MCCC2: variants seen among roughly 807,000 people sequenced by gnomAD.
MCCC2 encodes the protein methylcrotonoyl-CoA carboxylase beta chain, mitochondrial.
A neutral mutation model predicts 77.2 loss-of-function variants in MCCC2; 52 were observed. The ratio of observed to expected loss-of-function variants is 0.67; its 90% confidence interval spans 0.54 to 0.85. The LOEUF (loss-of-function observed/expected upper bound fraction) is 0.85. Ranked by LOEUF, MCCC2 falls within the 40% of genes least tolerant of loss-of-function variation. The probability of loss-of-function intolerance (pLI) is 0.00; values close to 1 mark genes in which losing one functional copy is unlikely to be tolerated. For synonymous variants in MCCC2, 253 were observed against 248.4 expected (o/e 1.02, Z -0.18); for missense variants, 682 against 703.2 (o/e 0.97, Z 0.34).
intron 13 of MCCC2, among the ~76,000 whole-genome samples, chr5:71,647,095 G>A (rs757935726): frequency 1.4e-4 from 22 of 152,046 alleles, no homozygotes; most frequent in Non-Finnish European, 2.5e-4. Context: ...TGATTCTCTG[G>A]TATCCTTCAT....
chr5:71,633,683 A>C (rs10071645), intron 8 of MCCC2, among the ~76,000 whole-genome samples: 114,233 of 151,884 alleles, frequency 0.75, 43,499 homozygotes, highest in East Asian at 0.86. Context: ...TATACAGTGT[A>C]TCATTGAAGG....
At position 71,635,163 on chromosome 5, in the gene MCCC2, C is replaced by G; in HGVS notation, c.916C>G (p.Pro306Ala). The G allele has an allele frequency of 6.2e-7, 1 of 1,614,112 alleles. No individual in the cohort carries two copies. Among genetic ancestry groups the G allele is most frequent in the Non-Finnish European group, 8.5e-7 (1 of 1,179,990 alleles). ...YQKKLDVTIE[P>A]SEEPLFPADE... ...TATATTTCTGCAGGTCACCATTGAA[C>G]CTTCTGAAGAGCCTTTATTTCCTGC... The change falls in exon 10 of 17, where the codon CCT becomes GCT. Residue 306 changes from proline (P) to alanine (A), a missense_variant. By Grantham distance (27) the Pro-to-Ala change is conservative (BLOSUM62 -1). Coordinates refer to ENST00000340941, the MANE Select transcript of MCCC2 (RefSeq NM_022132.5).
At chr5:71,599,824 TC>T in intron 4 of MCCC2, 64 bp downstream of exon 4, 1 of 1,250,862 alleles carries the variant, frequency 8.0e-7, no homozygotes, top group Non-Finnish European at 1.2e-6. Context: ...GGCACAGGCA[TC>T]CAGCACTCAC....
At chr5:71,609,867 A>G (rs1356514825) in intron 6 of MCCC2, among the ~76,000 whole-genome samples, 2 of 151,978 alleles carry the variant, frequency 1.3e-5, no homozygotes, top group Non-Finnish European at 2.9e-5. Context: ...GGTGCCTCCC[A>G]GTTAGGCTGC....
intron 15 of MCCC2, among the ~76,000 whole-genome samples, chr5:71,651,055 A>G (rs1747425759): frequency 2.0e-5 from 3 of 152,336 alleles, no homozygotes; most frequent in South Asian, 4.1e-4. Flanking sequence ...CTGGGATTAC[A>G]GGTGTGTGCC....
intron 6 of MCCC2, among the ~76,000 whole-genome samples, chr5:71,611,561 T>G (rs940794591): frequency 2.0e-5 from 3 of 152,166 alleles, no homozygotes; most frequent in African/African-American, 7.2e-5. Flanking sequence ...TCTCAAAAAG[T>G]AGATTGAGTA....
At chr5:71,637,696 G>A (rs1400064480) in intron 10 of MCCC2, among the ~76,000 whole-genome samples, 2 of 152,250 alleles carry the variant, frequency 1.3e-5, no homozygotes, top group Non-Finnish European at 1.5e-5. Context: ...ATGCAATACT[G>A]TTTGCTAGCA....
chr5:71,656,757 G>C lies in MCCC2; in HGVS notation c.1589G>C (p.Gly530Ala), dbSNP rs771705036. The C allele has an allele frequency of 6.2e-7, 1 of 1,613,686 alleles. No individual in the cohort carries two copies. Among genetic ancestry groups the C allele is most frequent in the Non-Finnish European group, 8.5e-7 (1 of 1,179,666 alleles). ...TCTTTTGTCAGGGTATGGGATGATG[G>C]GATCATTGATCCAGCAGACACCAGA... ...YYSSARVWDD[G>A]IIDPADTRLV... Residue 530 changes from glycine (G) to alanine (A), a missense_variant, in exon 17 of 17, where the codon GGG (glycine) becomes GCG (alanine). Transcript: ENST00000340941.
intron 16 of MCCC2, among the ~76,000 whole-genome samples, chr5:71,653,008 C>G (rs930040310): frequency 4.6e-5 from 7 of 152,212 alleles, no homozygotes. Context: ...TTGTCTTCCC[C>G]CTAGTTGAGG....
intron 6 of MCCC2, among the ~76,000 whole-genome samples, chr5:71,617,827 G>A (rs1746217058): frequency 6.6e-6 from 1 of 152,098 alleles, no homozygotes. Context: ...TATGTCTATT[G>A]GCAATCATAC....
chr5:71,596,145 AT>A (rs1745177851), intron 2 of MCCC2, 134 bp from the exon 3 acceptor site: 6 of 792,846 alleles, frequency 7.6e-6, no homozygotes, highest in African/African-American at 1.7e-5. Flanking sequence ...TGAGTGAATG[AT>A]TATTAGCCTT....
At chr5:71,605,225 A>G (rs1745622922) in intron 6 of MCCC2, among the ~76,000 whole-genome samples, 1 of 150,102 alleles carries the variant, frequency 6.7e-6, no homozygotes, top group South Asian at 2.2e-4. Flanking sequence ...CTATTTCTCC[A>G]TATCCTCTCC....
rs540731122 is a variant in MCCC2, at chr5:71,626,089, C to T, written c.625-551C>T. On this transcript the variant is annotated intron_variant, in intron 6 of 16. Transcript: ENST00000340941. The stretch of plus-strand genomic sequence containing the variant: ...ACTAGAGAAGATAGTACTGTGAACC[C>T]TATGTACACATCACCCAACTTCAAT... Among the ~76,000 whole-genome samples, 16 of 152,108 alleles carry T rather than the reference C, an allele frequency of 1.1e-4. No individual in the cohort carries two copies. In the East Asian group the frequency reaches 2.3e-3, roughly 22 times the overall value.
At chr5:71,622,652 G>A (rs988897519) in intron 6 of MCCC2, among the ~76,000 whole-genome samples, 7 of 152,154 alleles carry the variant, frequency 4.6e-5, no homozygotes, top group Admixed American at 2.0e-4. Context: ...GACATTTCAT[G>A]TAAAGGGAAT....
At chr5:71,622,189 G>A (rs1746372595) in intron 6 of MCCC2, among the ~76,000 whole-genome samples, 1 of 151,944 alleles carries the variant, frequency 6.6e-6, no homozygotes, top group Non-Finnish European at 1.5e-5. Flanking sequence ...CACTTGTCCA[G>A]TGAGCTTTGT....
At chr5:71,656,455 T>A (rs548801202) in intron 16 of MCCC2, among the ~76,000 whole-genome samples, 4 of 152,272 alleles carry the variant, frequency 2.6e-5, no homozygotes, top group African/African-American at 9.6e-5. Context: ...AGTAAACGTA[T>A]TGTCAAATTA....
At position 71,644,074 on chromosome 5, in the gene MCCC2, C is replaced by T. The variant is rs58751826; in HGVS notation, c.1149+179C>T. Among the ~76,000 whole-genome samples the T allele has an allele frequency of 0.72, 96,707 of 134,310 alleles. 35,133 individuals are homozygous for T. Among genetic ancestry groups the T allele is most frequent in the East Asian group, 0.89 (4,444 of 5,006 alleles). 88.1% of individuals were successfully genotyped at this position (134,310 alleles called of 152,430 possible). On this transcript the variant is annotated intron_variant, in intron 12 of 16. Transcript: ENST00000340941. ...GTGTGTGTGTGTGTGTGTGTGTGCG[C>T]GCGTGTGTATATATGTGCATGTATG...
At chr5:71,596,919 G>C (rs1745213689) in intron 3 of MCCC2, among the ~76,000 whole-genome samples, 1 of 151,682 alleles carries the variant, frequency 6.6e-6, no homozygotes, top group African/African-American at 2.4e-5. Flanking sequence ...CAGCCTGGGT[G>C]ACAGAGCGAG....
chr5:71,607,570 A>G (rs1440466277), intron 6 of MCCC2, among the ~76,000 whole-genome samples: 7 of 143,612 alleles, frequency 4.9e-5, no homozygotes, highest in Non-Finnish European at 7.6e-5. Flanking sequence ...TTGTGTCTCT[A>G]TTTCCTTCAG....
Sources: allele counts gnomAD v4.1 joint callset (sites outside exome capture counted in the v4.1 genomes callset), GRCh38; gene constraint gnomAD v4.1.1; transcripts MANE v1.5; gene names NCBI Gene and HGNC (gene_info 2026-07-23, HGNC 2026-07-21).